RNF220: variants seen among roughly 807,000 people sequenced by gnomAD.
RNF220 encodes E3 ubiquitin-protein ligase RNF220.
A neutral mutation model predicts 67.1 loss-of-function variants in RNF220; 7 were observed. The observed-to-expected ratio is 0.10, with a 90% CI of 0.06 to 0.20. The LOEUF (loss-of-function observed/expected upper bound fraction) is 0.20, where lower values mean the gene tolerates loss of function less well. Ranked by LOEUF, RNF220 falls within the 10% of genes least tolerant of loss-of-function variation. The pLI, the probability that RNF220 is intolerant of heterozygous loss-of-function variation, is 1.00. For missense variants in RNF220, 565 were observed against 740.3 expected, an observed-to-expected ratio of 0.76 and a Z score of 2.75; for synonymous variants, 270 against 283.2, an observed-to-expected ratio of 0.95 and a Z score of 0.47.
intron 2 of RNF220, among the ~76,000 whole-genome samples, chr1:44,424,496 G>A (rs74330360): frequency 0.031 from 4,647 of 152,170 alleles, 233 homozygotes; most frequent in African/African-American, 0.1. Flanking sequence ...TGAAAGTCTC[G>A]GGGGAAGGTT....
intron 2 of RNF220, among the ~76,000 whole-genome samples, chr1:44,449,665 A>G (rs1389456651): frequency 6.6e-6 from 1 of 152,134 alleles, no homozygotes; most frequent in East Asian, 1.9e-4. Context: ...CCGCTCCCCT[A>G]GGCCTCCCAA....
chr1:44,483,974 C>G (rs1656060583), intron 2 of RNF220, among the ~76,000 whole-genome samples: 1 of 152,130 alleles, frequency 6.6e-6, no homozygotes, highest in South Asian at 2.1e-4. Context: ...CTTACCCTTG[C>G]TTTTCCTAGG....
chr1:44,635,913 A>G, intron 7 of RNF220, 117 bp from the exon 8 acceptor site: 1 of 1,532,156 alleles, frequency 6.5e-7, no homozygotes, highest in Non-Finnish European at 8.9e-7. Flanking sequence ...GGAGCCCTAG[A>G]GCTGAGGGCC....
intron 2 of RNF220, among the ~76,000 whole-genome samples, chr1:44,431,222 G>A (rs1040489739): frequency 1.7e-4 from 26 of 152,108 alleles, no homozygotes; most frequent in African/African-American, 6.3e-4. Context: ...ACGGCCGGGC[G>A]AGGTGGCTCA....
chr1:44,634,348 G>C (rs1438176634), intron 6 of RNF220, among the ~76,000 whole-genome samples: 2 of 152,218 alleles, frequency 1.3e-5, no homozygotes, highest in East Asian at 3.8e-4. Flanking sequence ...GTTAAAATGG[G>C]ATAATGCAAT....
At chr1:44,444,016 G>C (rs536143400) in intron 2 of RNF220, among the ~76,000 whole-genome samples, 1 of 152,258 alleles carries the variant, frequency 6.6e-6, no homozygotes, top group Admixed American at 6.5e-5. Flanking sequence ...GCTTGAACCC[G>C]GGAGGTGGAG....
intron 2 of RNF220, among the ~76,000 whole-genome samples, chr1:44,558,010 G>A (rs1389250876): frequency 6.6e-6 from 1 of 152,194 alleles, no homozygotes; most frequent in African/African-American, 2.4e-5. Context: ...CAAGGAACAT[G>A]TTCTCCTTCT....
intron 3 of RNF220, among the ~76,000 whole-genome samples, chr1:44,618,881 A>T (rs1463693949): frequency 6.6e-6 from 1 of 152,138 alleles, no homozygotes; most frequent in Admixed American, 6.5e-5. Context: ...AAGCCACAGG[A>T]CTTAGTTGGG....
At position 44,470,421 on chromosome 1, in the gene RNF220, T is replaced by C. The variant is rs79003872; in HGVS notation, c.625+57699T>C. ...CAACATTTATTTATGGAGTGTCTAC[T>C]AAGTAGCTAGTAGTGGAATATACAG... On this transcript the variant is annotated intron_variant, in intron 2 of 14. Coordinates refer to ENST00000361799, the MANE Select transcript of RNF220 (RefSeq NM_018150.4). Among the ~76,000 whole-genome samples the C allele has an allele frequency of 4.1e-3, 625 of 152,320 alleles. 9 individuals carry two copies. Among genetic ancestry groups the C allele is most frequent in the African/African-American group, 0.014 (600 of 41,582 alleles).
At chr1:44,436,809 T>C (rs1651019666) in intron 2 of RNF220, among the ~76,000 whole-genome samples, 1 of 152,120 alleles carries the variant, frequency 6.6e-6, no homozygotes, top group Non-Finnish European at 1.5e-5. Flanking sequence ...TGCCAAAACA[T>C]ACTCACACTC....
intron 2 of RNF220, among the ~76,000 whole-genome samples, chr1:44,480,515 AT>A (rs1455383026): frequency 1.3e-5 from 2 of 152,104 alleles, no homozygotes; most frequent in African/African-American, 4.8e-5. Flanking sequence ...TAACTCTAAC[AT>A]TTAAAGATGT....
intron 2 of RNF220, among the ~76,000 whole-genome samples, chr1:44,529,221 T>C (rs1317917163): frequency 6.6e-6 from 1 of 152,016 alleles, no homozygotes; most frequent in Non-Finnish European, 1.5e-5. Flanking sequence ...AATGGTTAAA[T>C]AAGTTATAGT....
At chr1:44,623,589 A>C (rs1353410654) in intron 4 of RNF220, among the ~76,000 whole-genome samples, 1 of 152,184 alleles carries the variant, frequency 6.6e-6, no homozygotes, top group Non-Finnish European at 1.5e-5. Flanking sequence ...AATTATTCAG[A>C]ACAGGAGGCC....
chr1:44,418,017 G>GC (rs1648763081), intron 2 of RNF220, among the ~76,000 whole-genome samples: 1 of 151,986 alleles, frequency 6.6e-6, no homozygotes, highest in Non-Finnish European at 1.5e-5. Flanking sequence ...GCCCCGCCTC[G>GC]CCCTCCACGT....
intron 2 of RNF220, among the ~76,000 whole-genome samples, chr1:44,487,889 TAAATAAATATAA>T (rs1656459796): frequency 6.7e-6 from 1 of 149,998 alleles, no homozygotes. Flanking sequence ...CAAAAATAAA[TAAATAAATATAA>T]AAATAAATAA....
chr1:44,556,654 G>A (rs1021364577), intron 2 of RNF220, among the ~76,000 whole-genome samples: 1 of 151,608 alleles, frequency 6.6e-6, no homozygotes, highest in African/African-American at 2.4e-5. Context: ...CCGCCTCCCG[G>A]GTTCATGCCA....
At chr1:44,641,537 G>A (rs977666037) in intron 8 of RNF220, among the ~76,000 whole-genome samples, 3 of 149,314 alleles carry the variant, frequency 2.0e-5, no homozygotes, top group Non-Finnish European at 4.4e-5. Flanking sequence ...CAGCAGCTGA[G>A]AACATCAAAC....
At position 44,425,373 on chromosome 1, in the gene RNF220, G is replaced by A. The variant is rs527886781; in HGVS notation, c.625+12651G>A. ...GACTCCATCTAGCGTGTCCCCTCAC[G>A]TAGTGCCTAGCTTGGTAAATACTTG... On this transcript the variant is annotated intron_variant, in intron 2 of 14. Transcript: ENST00000361799. Among the ~76,000 whole-genome samples, 42 of 151,756 alleles carry A rather than the reference G, an allele frequency of 2.8e-4. No homozygotes were observed. In the South Asian group the frequency reaches 3.2e-3, roughly 11 times the overall value.
chr1:44,544,122 A>G (rs1237255562), intron 2 of RNF220, among the ~76,000 whole-genome samples: 1 of 152,202 alleles, frequency 6.6e-6, no homozygotes, highest in Non-Finnish European at 1.5e-5. Flanking sequence ...CGGGAGGACC[A>G]CAGGAGACAA....
Sources: allele counts gnomAD v4.1 joint callset (sites outside exome capture counted in the v4.1 genomes callset), GRCh38; gene constraint gnomAD v4.1.1; transcripts MANE v1.5; gene names NCBI Gene and HGNC (gene_info 2026-07-23, HGNC 2026-07-21).